Variants in DLG2 observed in about 807,000 individuals in gnomAD.
DLG2 encodes discs large MAGUK scaffold protein 2.
DLG2 carries 45 observed loss-of-function variants against 132.5 expected under a neutral mutation model. That is an observed-to-expected ratio of 0.34 (90% CI 0.27 to 0.44). The LOEUF is 0.44. DLG2 is among the 20% of genes least tolerant of loss of function. DLG2 has a pLI of 1.00. For missense variants in DLG2, 1,045 were observed against 1,196.9 expected (o/e 0.87, Z 1.87); for synonymous variants, 424 against 419.6 (o/e 1.01, Z -0.13).
intron 19 of DLG2, among the ~76,000 whole-genome samples, chr11:83,560,236 G>C (rs145076293): frequency 2.0e-5 from 3 of 152,062 alleles, no homozygotes; most frequent in African/African-American, 7.2e-5. Context: ...TCTTGCCTCA[G>C]CCTCTGGAAT....
intron 18 of DLG2, among the ~76,000 whole-genome samples, chr11:83,759,897 A>T (rs1051901462): frequency 1.2e-4 from 18 of 152,332 alleles, no homozygotes; most frequent in Admixed American, 5.9e-4. Flanking sequence ...TCTGTCCCAG[A>T]TTCCAAAACT....
intron 4 of DLG2, among the ~76,000 whole-genome samples, chr11:85,176,714 C>A (rs1030415077): frequency 2.0e-5 from 3 of 152,146 alleles, no homozygotes; most frequent in Non-Finnish European, 4.4e-5. Context: ...AACTATCCAT[C>A]TGACGAAGGT....
intron 6 of DLG2, among the ~76,000 whole-genome samples, chr11:84,783,627 T>A (rs888965226): frequency 6.6e-6 from 1 of 152,284 alleles, no homozygotes; most frequent in East Asian, 1.9e-4. Flanking sequence ...TTAGTAGAGA[T>A]GTTTACATAC....
chr11:85,185,444 G>C (rs370377237), intron 4 of DLG2, among the ~76,000 whole-genome samples: 1 of 151,952 alleles, frequency 6.6e-6, no homozygotes, highest in East Asian at 1.9e-4. Flanking sequence ...TCTTTTAGTA[G>C]CATAACTGGT....
Position 85,411,695 on chromosome 11 carries a change from A to T in DLG2, c.41-126330T>A, listed in dbSNP as rs565831235. Among the ~76,000 whole-genome samples the T allele has an allele frequency of 2.7e-4, 41 of 152,024 alleles. 1 individual carries two copies. In the South Asian group the frequency reaches 7.5e-3, roughly 28 times the overall value. On this transcript the variant is annotated intron_variant, in intron 3 of 27. Transcript: ENST00000376104. ...ATAGATCTGTAAAATGATAGATGAT[A>T]CATTTATTTGATTGATGGGAGTGAT...
chr11:83,703,338 G>A (rs1282962308), intron 18 of DLG2, among the ~76,000 whole-genome samples: 1 of 152,156 alleles, frequency 6.6e-6, no homozygotes, highest in Non-Finnish European at 1.5e-5. Flanking sequence ...AAGCATTAAT[G>A]GAAGAGTACA....
chr11:83,689,230 A>G (rs1019110127), intron 18 of DLG2, among the ~76,000 whole-genome samples: 2 of 152,158 alleles, frequency 1.3e-5, no homozygotes, highest in Non-Finnish European at 2.9e-5. Context: ...GGGTCTTAAT[A>G]GATGAGTAGG....
chr11:84,766,153 T>C (rs992396475), intron 6 of DLG2, among the ~76,000 whole-genome samples: 2 of 151,980 alleles, frequency 1.3e-5, no homozygotes, highest in African/African-American at 4.8e-5. Context: ...AGATGAACAG[T>C]TGAATGGTAT....
intron 6 of DLG2, among the ~76,000 whole-genome samples, chr11:85,110,635 CT>C (rs1246915232): frequency 1.3e-5 from 2 of 152,088 alleles, no homozygotes; most frequent in African/African-American, 2.4e-5. Context: ...TTTCTCCCCC[CT>C]GCCACAGATA....
chr11:83,846,456 G>T (rs2058621625), intron 16 of DLG2, among the ~76,000 whole-genome samples: 1 of 152,122 alleles, frequency 6.6e-6, no homozygotes, highest in Non-Finnish European at 1.5e-5. Flanking sequence ...ACATTGTTCT[G>T]TTTCTACAGC....
chr11:83,863,378 A>G (rs1382138579), intron 16 of DLG2, among the ~76,000 whole-genome samples: 2 of 152,132 alleles, frequency 1.3e-5, no homozygotes, highest in Admixed American at 6.6e-5. Context: ...TCACTCCACT[A>G]TCTGTTTCTT....
At chr11:83,813,953 G>T (rs564154409) in intron 17 of DLG2, among the ~76,000 whole-genome samples, 2 of 152,142 alleles carry the variant, frequency 1.3e-5, no homozygotes, top group East Asian at 3.9e-4. Flanking sequence ...ATAAATTGCC[G>T]AAATTCACAA....
At chr11:84,933,367 T>C (rs74950131) in intron 6 of DLG2, among the ~76,000 whole-genome samples, 6 of 152,206 alleles carry the variant, frequency 3.9e-5, no homozygotes, top group Admixed American at 6.5e-5. Context: ...TTTGGTTCCA[T>C]ATGAATTTTA....
chr11:83,752,422 G>A (rs980490775), intron 18 of DLG2, among the ~76,000 whole-genome samples: 5 of 152,172 alleles, frequency 3.3e-5, no homozygotes, highest in African/African-American at 1.2e-4. Context: ...AATCATATAA[G>A]CCAAGCGAAT....
At chr11:84,407,392 C>G (rs1055503308) in intron 7 of DLG2, among the ~76,000 whole-genome samples, 1 of 152,150 alleles carries the variant, frequency 6.6e-6, no homozygotes, top group African/African-American at 2.4e-5. Context: ...CCTACTGTGG[C>G]CACTATCTCT....
chr11:84,704,650 A>G lies in DLG2; in HGVS notation c.358-169919T>C, dbSNP rs193260868. Among the ~76,000 whole-genome samples the G allele has an allele frequency of 2.3e-3, 356 of 151,646 alleles. 3 individuals are homozygous for G. Among genetic ancestry groups the G allele is most frequent in the African/African-American group, 8.4e-3 (347 of 41,450 alleles). ...CATGTAGGCTCAAATTCACACCAAT[A>G]TAATGTTTAAAAATATGAAAATATG... On this transcript the variant is annotated intron_variant, in intron 6 of 27. Coordinates refer to ENST00000376104, the MANE Select transcript of DLG2 (RefSeq NM_001142699.3).
intron 3 of DLG2, among the ~76,000 whole-genome samples, chr11:85,423,336 G>A (rs1373563334): frequency 6.6e-6 from 1 of 152,224 alleles, no homozygotes; most frequent in African/African-American, 2.4e-5. Context: ...GGAGGTGGCA[G>A]GTGGATGTAC....
chr11:85,189,004 A>C (rs2080327786), intron 4 of DLG2, among the ~76,000 whole-genome samples: 1 of 152,132 alleles, frequency 6.6e-6, no homozygotes, highest in Admixed American at 6.5e-5. Flanking sequence ...CAAAACCAGA[A>C]TAGAAAAAAT....
intron 18 of DLG2, among the ~76,000 whole-genome samples, chr11:83,717,203 G>A (rs1294518405): frequency 6.6e-6 from 1 of 152,058 alleles, no homozygotes; most frequent in Non-Finnish European, 1.5e-5. Context: ...AACATGATTT[G>A]CACACACTGA....
Sources: allele counts gnomAD v4.1 joint callset (sites outside exome capture counted in the v4.1 genomes callset), GRCh38; gene constraint gnomAD v4.1.1; transcripts MANE v1.5; gene names NCBI Gene and HGNC (gene_info 2026-07-23, HGNC 2026-07-21).